CLSTN2: variants seen among roughly 807,000 people sequenced by gnomAD.
The protein encoded by CLSTN2 is calsyntenin-2.
Under a neutral mutation model 101.2 loss-of-function variants are expected in CLSTN2, and 48 were observed. That is an observed-to-expected ratio of 0.47 (90% CI 0.38 to 0.60). The LOEUF is 0.60. CLSTN2 is among the 20% of genes least tolerant of loss of function. The pLI, the probability that CLSTN2 is intolerant of heterozygous loss-of-function variation, is 0.00. For missense variants in CLSTN2, 1,160 were observed against 1,238.2 expected (o/e 0.94, Z 0.95); for synonymous variants, 481 against 463.6 (o/e 1.04, Z -0.48).
intron 1 of CLSTN2, among the ~76,000 whole-genome samples, chr3:140,004,677 A>T (rs551711725): frequency 2.0e-5 from 3 of 152,276 alleles, no homozygotes; most frequent in African/African-American, 7.2e-5. Flanking sequence ...GAAAAAAGAG[A>T]CGTATTTCCA....
At chr3:140,375,541 T>C (rs1254463189) in intron 2 of CLSTN2, among the ~76,000 whole-genome samples, 1 of 152,250 alleles carries the variant, frequency 6.6e-6, no homozygotes, top group East Asian at 1.9e-4. Flanking sequence ...TTATACTTTG[T>C]AGATTATATT....
intron 2 of CLSTN2, among the ~76,000 whole-genome samples, chr3:140,369,949 A>C (rs548946836): frequency 6.6e-6 from 1 of 152,362 alleles, no homozygotes; most frequent in South Asian, 2.1e-4. Context: ...AAAAGTACAC[A>C]TTTACAATGG....
At chr3:139,998,955 A>G (rs2006756811) in intron 1 of CLSTN2, among the ~76,000 whole-genome samples, 1 of 151,966 alleles carries the variant, frequency 6.6e-6, no homozygotes, top group South Asian at 2.1e-4. Flanking sequence ...GAAGAGCAGG[A>G]GCTTCAGACT....
At chr3:140,163,167 A>G (rs1013313823) in intron 1 of CLSTN2, among the ~76,000 whole-genome samples, 3 of 152,144 alleles carry the variant, frequency 2.0e-5, no homozygotes, top group Non-Finnish European at 2.9e-5. Context: ...TATTTTGTAG[A>G]TGTGCTGAAG....
chr3:140,432,719 G>T (rs1180011578), intron 5 of CLSTN2, among the ~76,000 whole-genome samples: 1 of 152,184 alleles, frequency 6.6e-6, no homozygotes, highest in East Asian at 1.9e-4. Flanking sequence ...AGTCTGCTTT[G>T]ATCTGACTCT....
intron 1 of CLSTN2, among the ~76,000 whole-genome samples, chr3:140,025,962 A>C (rs1448241946): frequency 6.6e-6 from 1 of 152,146 alleles, no homozygotes; most frequent in African/African-American, 2.4e-5. Flanking sequence ...GCTGCTGCTG[A>C]TAGTGAAGGT....
intron 2 of CLSTN2, among the ~76,000 whole-genome samples, chr3:140,250,550 G>C (rs2086554466): frequency 6.6e-6 from 1 of 152,194 alleles, no homozygotes; most frequent in African/African-American, 2.4e-5. Context: ...ATAATCATTT[G>C]ATGTAATGCT....
intron 9 of CLSTN2, among the ~76,000 whole-genome samples, chr3:140,533,249 G>C (rs867282959): frequency 2.0e-5 from 3 of 152,174 alleles, no homozygotes; most frequent in Non-Finnish European, 4.4e-5. Context: ...GGTATGCTTT[G>C]AAGTACCAGT....
chr3:140,287,914 A>G (rs1211638761), intron 2 of CLSTN2, among the ~76,000 whole-genome samples: 1 of 152,196 alleles, frequency 6.6e-6, no homozygotes, highest in Non-Finnish European at 1.5e-5. Context: ...AGAGAGAGAT[A>G]AACTGATGAG....
chr3:140,547,694 G>C (rs1935623715), intron 10 of CLSTN2, among the ~76,000 whole-genome samples: 1 of 152,102 alleles, frequency 6.6e-6, no homozygotes, highest in African/African-American at 2.4e-5. Context: ...CAACAGCCAG[G>C]GTCACTTTCT....
At chr3:140,542,818 G>A (rs1386415239) in intron 9 of CLSTN2, among the ~76,000 whole-genome samples, 1 of 152,198 alleles carries the variant, frequency 6.6e-6, no homozygotes, top group Non-Finnish European at 1.5e-5. Context: ...TAAAGCTGCT[G>A]AGTGAGCAGT....
intron 1 of CLSTN2, among the ~76,000 whole-genome samples, chr3:140,101,443 A>G (rs1019531591): frequency 1.3e-5 from 2 of 152,222 alleles, no homozygotes; most frequent in Non-Finnish European, 2.9e-5. Context: ...TTGGACAGAC[A>G]CTGAAGTCGC....
intron 5 of CLSTN2, among the ~76,000 whole-genome samples, chr3:140,444,857 A>G (rs1438151011): frequency 6.6e-6 from 1 of 152,210 alleles, no homozygotes; most frequent in African/African-American, 2.4e-5. Context: ...ATTTTTAAGA[A>G]CGATGCTATC....
At chr3:140,427,621 C>T (rs548001066) in intron 5 of CLSTN2, among the ~76,000 whole-genome samples, 15 of 152,070 alleles carry the variant, frequency 9.9e-5, no homozygotes, top group South Asian at 2.1e-4. Flanking sequence ...TCTCATTACA[C>T]GTAGAGTCAA....
At chr3:139,979,783 G>A (rs1935885264) in intron 1 of CLSTN2, among the ~76,000 whole-genome samples, 1 of 151,906 alleles carries the variant, frequency 6.6e-6, no homozygotes, top group Non-Finnish European at 1.5e-5. Context: ...ATCACCATTG[G>A]TGTCATTATC....
intron 1 of CLSTN2, among the ~76,000 whole-genome samples, chr3:140,021,331 G>A (rs983649273): frequency 1.3e-5 from 2 of 152,254 alleles, no homozygotes; most frequent in Admixed American, 6.5e-5. Context: ...AGCCCTGGGA[G>A]AAGTGGATTC....
chr3:140,448,519 A>G lies in CLSTN2; in HGVS notation c.788A>G (p.Asp263Gly). The G allele has an allele frequency of 6.2e-7, 1 of 1,611,802 alleles. No individual in the cohort carries two copies. The highest frequency in any genetic ancestry group is 1.7e-4 in the Middle Eastern group (1 of 6,042). ...VKPVCKPGWQDWTKRIEYQPG... is the reference protein window; with the variant it reads ...VKPVCKPGWQGWTKRIEYQPG... ...TTTCATCCTTTCCTTGTTTGTTTAG[A>G]CTGGACCAAGAGGATTGAGTACCAG... The change falls in exon 6 of 17, where the codon GAC becomes GGC. Residue 263 changes from aspartate (D) to glycine (G), a missense_variant and splice_region_variant. By Grantham distance (94) the Asp-to-Gly change is moderately conservative. Coordinates refer to ENST00000458420, the MANE Select transcript of CLSTN2 (RefSeq NM_022131.3).
rs1299178217 is a variant in CLSTN2, at chr3:140,526,549, A to AATT, written c.1345-5773_1345-5771dup. Among the ~76,000 whole-genome samples the AATT allele has an allele frequency of 2.6e-5, 4 of 151,916 alleles. No individual in the cohort carries two copies. The East Asian group carries it at 7.7e-4, about 29-fold the overall frequency. On this transcript the variant is annotated intron_variant, in intron 8 of 16. Transcript: ENST00000458420. ...AAAATACCAATGTCATTTTTTACAG[A>AATT]ATTAGAAAAATCTACTCATAAATTT...
intron 1 of CLSTN2, among the ~76,000 whole-genome samples, chr3:139,943,722 G>T (rs1479882585): frequency 6.6e-6 from 1 of 152,158 alleles, no homozygotes; most frequent in East Asian, 1.9e-4. Flanking sequence ...CATCCCAAAG[G>T]AAATCAGCTC....
Sources: allele counts gnomAD v4.1 joint callset (sites outside exome capture counted in the v4.1 genomes callset), GRCh38; gene constraint gnomAD v4.1.1; transcripts MANE v1.5; gene names NCBI Gene and HGNC (gene_info 2026-07-23, HGNC 2026-07-21).